The following MID1 variants were observed in gnomAD, a reference collection of about 807,000 sequenced individuals.
MID1 encodes midline 1.
Under a neutral mutation model 40.4 loss-of-function variants are expected in MID1, and 7 were observed. The observed-to-expected ratio is 0.17, with a 90% CI of 0.10 to 0.33. The LOEUF (loss-of-function observed/expected upper bound fraction) is 0.33. Among genes scored for constraint, MID1 ranks in the 10% least tolerant of loss-of-function variants. The pLI is 1.00. For synonymous variants in MID1, 229 were observed against 221.2 expected (o/e 1.04, Z -0.31); for missense variants, 367 against 558.5 (o/e 0.66, Z 3.46).
upstream of MID1, among the ~76,000 whole-genome samples, chrX:10,621,570 A>G (rs1439448334): frequency 9.0e-6 from 1 of 111,475 alleles, no homozygotes; most frequent in Non-Finnish European, 1.9e-5. Context: ...ATAATTCAAT[A>G]AAGATTTTAA....
At chrX:10,590,231 G>A (rs187900636) in intron 1 of MID1, among the ~76,000 whole-genome samples, 53 of 111,815 alleles carry the variant, frequency 4.7e-4, no homozygotes, top group East Asian at 3.4e-3. Context: ...CCTTGGTTTC[G>A]CGTCTGGTTC....
chrX:10,632,851 T>A (rs1179803627), intron 1 of MID1, among the ~76,000 whole-genome samples: 2 of 111,501 alleles, frequency 1.8e-5, no homozygotes, highest in Middle Eastern at 4.7e-3. Flanking sequence ...TCATGACATA[T>A]GAAAAGTATG....
chrX:10,739,868 G>A (rs1363570094), intron 1 of MID1, among the ~76,000 whole-genome samples: 2 of 112,315 alleles, frequency 1.8e-5, no homozygotes, highest in Non-Finnish European at 3.8e-5. Context: ...TCTTTTGTGA[G>A]CATGTAGCCA....
chrX:10,557,920 G>T (rs1934183538), intron 2 of MID1, among the ~76,000 whole-genome samples: 1 of 111,187 alleles, frequency 9.0e-6, no homozygotes, highest in African/African-American at 3.3e-5. Flanking sequence ...ACTTCTTTCT[G>T]CCAATTAAAA....
intron 1 of MID1, among the ~76,000 whole-genome samples, chrX:10,591,105 C>T (rs764806549): frequency 9.0e-5 from 10 of 111,440 alleles, no homozygotes; most frequent in Non-Finnish European, 1.7e-4. Context: ...TAAAAATTCA[C>T]TTACAAAAAA....
At chrX:10,638,043 G>C (rs1312719516) in intron 1 of MID1, among the ~76,000 whole-genome samples, 1 of 112,103 alleles carries the variant, frequency 8.9e-6, no homozygotes, top group Non-Finnish European at 1.9e-5. Flanking sequence ...AAGTTCTCTG[G>C]CAGAAGAAAA....
intron 1 of MID1, among the ~76,000 whole-genome samples, chrX:10,673,207 G>A (rs978002670): frequency 7.2e-5 from 8 of 111,541 alleles, no homozygotes; most frequent in African/African-American, 2.6e-4. Flanking sequence ...CTTCAGATGG[G>A]GGTAAGGGAT....
chrX:10,703,641 C>T (rs1401971856), intron 1 of MID1, among the ~76,000 whole-genome samples: 2 of 111,451 alleles, frequency 1.8e-5, no homozygotes, highest in South Asian at 3.8e-4. Flanking sequence ...GACTCCAGCC[C>T]GGGCGACAGA....
chrX:10,597,901 G>A (rs1935443885), intron 1 of MID1, among the ~76,000 whole-genome samples: 1 of 111,829 alleles, frequency 8.9e-6, no homozygotes, highest in Non-Finnish European at 1.9e-5. Context: ...GTCAGCACAT[G>A]TGATATCTGC....
intron 1 of MID1, among the ~76,000 whole-genome samples, chrX:10,721,565 T>G (rs1379860818): frequency 9.0e-6 from 1 of 110,833 alleles, no homozygotes; most frequent in Non-Finnish European, 1.9e-5. Context: ...AATAAGTATT[T>G]TCTATGGTCA....
intron 2 of MID1, among the ~76,000 whole-genome samples, chrX:10,545,878 A>G (rs1379251780): frequency 8.9e-6 from 1 of 111,734 alleles, no homozygotes; most frequent in African/African-American, 3.3e-5. Context: ...TGCTTATTTT[A>G]TCTTCGTTTT....
intron 1 of MID1, among the ~76,000 whole-genome samples, chrX:10,815,054 C>T (rs955421942): frequency 3.6e-5 from 4 of 111,617 alleles, no homozygotes. Context: ...GGGATAAATG[C>T]CCAAAAGTGC....
At chrX:10,551,774 G>A (rs1365567811) in intron 2 of MID1, among the ~76,000 whole-genome samples, 1 of 111,027 alleles carries the variant, frequency 9.0e-6, no homozygotes, top group African/African-American at 3.3e-5. Flanking sequence ...GCCCAAAGTA[G>A]GTTTATTTTT....
intron 1 of MID1, among the ~76,000 whole-genome samples, chrX:10,728,190 T>TC (rs199653296): frequency 2.6e-3 from 282 of 108,790 alleles, no homozygotes; most frequent in African/African-American, 8.3e-3. Context: ...CATCAACTTT[T>TC]CCCCCCCCAG....
At chrX:10,474,938 A>C in intron 5 of MID1, 188 bp from the exon 6 acceptor site, 2 of 496,100 alleles carry the variant, frequency 4.0e-6, no homozygotes, top group Middle Eastern at 6.5e-4. Flanking sequence ...TTTAAAAAAA[A>C]GTGAAGGAAT....
intron 1 of MID1, among the ~76,000 whole-genome samples, chrX:10,637,449 A>C (rs925320765): frequency 1.8e-5 from 2 of 109,058 alleles, no homozygotes; most frequent in Admixed American, 2.0e-4. Context: ...ACATGGTGAA[A>C]CTCCATCTCT....
intron 1 of MID1, among the ~76,000 whole-genome samples, chrX:10,617,498 G>A (rs1935859244): frequency 8.9e-6 from 1 of 112,224 alleles, no homozygotes; most frequent in South Asian, 3.7e-4. Context: ...GACTTACTTT[G>A]TTTTAGTAGA....
chrX:10,789,219 A>G (rs1179617005), intron 1 of MID1, among the ~76,000 whole-genome samples: 1 of 107,447 alleles, frequency 9.3e-6, no homozygotes, highest in South Asian at 4.5e-4. Flanking sequence ...AATAAAGTCT[A>G]TGCTGGCTAA....
chrX:10,553,614 T>G (rs1189412657), intron 2 of MID1, among the ~76,000 whole-genome samples: 3 of 112,166 alleles, frequency 2.7e-5, no homozygotes, highest in Non-Finnish European at 5.6e-5. Context: ...ACATTTCAAG[T>G]GATGAAATGA....
Sources: gnomAD v4.1 joint callset for allele counts (sites outside exome capture counted in the v4.1 genomes callset) on GRCh38, gnomAD v4.1.1 for gene constraint, MANE v1.5 for transcripts, NCBI Gene and HGNC (gene_info 2026-07-23, HGNC 2026-07-21) for gene names.